Variants in LRRC4C observed in about 807,000 individuals in gnomAD.
LRRC4C encodes leucine-rich repeat-containing protein 4C.
LRRC4C carries 5 observed loss-of-function variants against 33.6 expected under a neutral mutation model. The ratio of observed to expected loss-of-function variants is 0.15; its 90% CI spans 0.08 to 0.31. The LOEUF is 0.31. LRRC4C is among the 10% of genes least tolerant of loss of function. The pLI is 1.00. For missense variants in LRRC4C, 560 were observed against 796.7 expected, an observed-to-expected ratio of 0.70 and a Z score of 3.58; for synonymous variants, 329 against 302.0, an observed-to-expected ratio of 1.09 and a Z score of -0.93.
chr11:40,635,475 C>A (rs1963866606), intron 3 of LRRC4C, among the ~76,000 whole-genome samples: 1 of 152,198 alleles, frequency 6.6e-6, no homozygotes, highest in African/African-American at 2.4e-5. Flanking sequence ...AGAACATACA[C>A]ACAGACACAT....
intron 1 of LRRC4C, among the ~76,000 whole-genome samples, chr11:41,092,662 C>G (rs980612919): frequency 6.6e-6 from 1 of 152,182 alleles, no homozygotes; most frequent in Non-Finnish European, 1.5e-5. Flanking sequence ...TGTTGAATTA[C>G]TCCCTCTGGC....
chr11:40,262,987 A>T (rs931353802), intron 4 of LRRC4C, among the ~76,000 whole-genome samples: 1 of 152,106 alleles, frequency 6.6e-6, no homozygotes, highest in African/African-American at 2.4e-5. Flanking sequence ...TAACTGAAAA[A>T]AAAAAAAAGA....
chr11:40,938,726 C>T (rs141616219), intron 1 of LRRC4C, among the ~76,000 whole-genome samples: 1 of 152,160 alleles, frequency 6.6e-6, no homozygotes. Flanking sequence ...CTCTACCATT[C>T]TTCTCAGAAC....
At chr11:40,811,405 A>G (rs1352460548) in intron 2 of LRRC4C, among the ~76,000 whole-genome samples, 1 of 152,200 alleles carries the variant, frequency 6.6e-6, no homozygotes, top group Non-Finnish European at 1.5e-5. Flanking sequence ...CAGGAACATT[A>G]TGTATCCTGT....
chr11:41,123,408 G>C, intron 1 of LRRC4C, among the ~76,000 whole-genome samples: 1 of 148,368 alleles, frequency 6.7e-6, no homozygotes, highest in Non-Finnish European at 1.5e-5. Flanking sequence ...AAGTAGCTGG[G>C]ACTACAGGCG....
chr11:40,213,569 C>G (rs527718758), intron 5 of LRRC4C, among the ~76,000 whole-genome samples: 1 of 152,214 alleles, frequency 6.6e-6, no homozygotes, highest in South Asian at 2.1e-4. Context: ...CATTATATGG[C>G]CACCCTGATT....
At chr11:40,584,796 G>T (rs1360897422) in intron 3 of LRRC4C, among the ~76,000 whole-genome samples, 1 of 151,990 alleles carries the variant, frequency 6.6e-6, no homozygotes, top group Non-Finnish European at 1.5e-5. Context: ...GCCAGGCATG[G>T]TGGTGCACAC....
intron 5 of LRRC4C, among the ~76,000 whole-genome samples, chr11:40,161,241 A>T (rs1859129052): frequency 6.6e-6 from 1 of 152,202 alleles, no homozygotes; most frequent in Non-Finnish European, 1.5e-5. Flanking sequence ...CCTCTCAAAT[A>T]TTAACCTTAT....
intron 1 of LRRC4C, among the ~76,000 whole-genome samples, chr11:41,267,530 C>A (rs1949190368): frequency 1.3e-5 from 2 of 152,202 alleles, no homozygotes; most frequent in Middle Eastern, 3.4e-3. Flanking sequence ...GCGTGGTAAC[C>A]AGTAAATGAT....
intron 3 of LRRC4C, among the ~76,000 whole-genome samples, chr11:40,463,915 C>T (rs1952529631): frequency 6.6e-6 from 1 of 152,018 alleles, no homozygotes; most frequent in Non-Finnish European, 1.5e-5. Flanking sequence ...TCTATTATCC[C>T]TGTTGTAAAA....
chr11:40,359,840 A>G (rs1334836228), intron 3 of LRRC4C, among the ~76,000 whole-genome samples: 1 of 152,198 alleles, frequency 6.6e-6, no homozygotes, highest in Non-Finnish European at 1.5e-5. Context: ...TAGAATTGAA[A>G]GAATTTTTGA....
At chr11:41,091,709 C>T (rs1053572447) in intron 1 of LRRC4C, among the ~76,000 whole-genome samples, 1 of 151,948 alleles carries the variant, frequency 6.6e-6, no homozygotes, top group Non-Finnish European at 1.5e-5. Flanking sequence ...ACATCATATA[C>T]CCATTATGAT....
chr11:41,176,381 C>A (rs988513787), intron 1 of LRRC4C, among the ~76,000 whole-genome samples: 1 of 152,050 alleles, frequency 6.6e-6, no homozygotes, highest in Non-Finnish European at 1.5e-5. Context: ...TAAACAGATT[C>A]CTTTCTCCTA....
intron 2 of LRRC4C, among the ~76,000 whole-genome samples, chr11:40,699,141 A>G (rs1945735266): frequency 6.6e-6 from 1 of 152,222 alleles, no homozygotes; most frequent in Admixed American, 6.5e-5. Flanking sequence ...AAATCCGTTC[A>G]TTACAATCAT....
chr11:40,231,465 T>A (rs1205364175), intron 5 of LRRC4C, among the ~76,000 whole-genome samples: 2 of 53,314 alleles, frequency 3.8e-5, no homozygotes, highest in Admixed American at 5.7e-4. Context: ...CATATACATT[T>A]ATAATAAACT....
chr11:40,116,123 A>G lies in LRRC4C; in HGVS notation c.170T>C (p.Phe57Ser), dbSNP rs1184387510. 1 of 1,614,054 alleles carries G rather than the reference A, an allele frequency of 6.2e-7. No individual in the cohort carries two copies. The highest frequency in any genetic ancestry group is 1.3e-5 in the African/African-American group (1 of 74,978). The change falls in exon 7 of 7, where the codon TTC becomes TCC. Residue 57 changes from phenylalanine (F) to serine (S), a missense_variant. By Grantham distance (155) the Phe-to-Ser change is radical (BLOSUM62 -2). Transcript: ENST00000528697. ...TTTCCGAACACAAATCACCTTGCTG[A>G]ACTGGTTGCTGCAGGAGCACACAGA... ...CPSVCSCSNQ[F>S]SKVICVRKNL...
intron 2 of LRRC4C, among the ~76,000 whole-genome samples, chr11:40,713,031 G>T (rs1329077971): frequency 6.6e-6 from 1 of 151,016 alleles, no homozygotes; most frequent in Non-Finnish European, 1.5e-5. Context: ...TGGGACTGCA[G>T]GCACATGCCA....
chr11:40,845,161 T>A (rs985984224), intron 2 of LRRC4C, among the ~76,000 whole-genome samples: 3 of 152,180 alleles, frequency 2.0e-5, no homozygotes, highest in Non-Finnish European at 2.9e-5. Context: ...TCTTATTTTT[T>A]TCTTTTTATT....
chr11:40,429,587 A>AAAAAAAAAAT, intron 3 of LRRC4C, among the ~76,000 whole-genome samples: 1 of 152,024 alleles, frequency 6.6e-6, no homozygotes, highest in Admixed American at 6.6e-5. Context: ...AACAAAACAA[A>AAAAAAAAAAT]ACATGTAAGG....
Sources: allele counts gnomAD v4.1 joint callset (sites outside exome capture counted in the v4.1 genomes callset), GRCh38; gene constraint gnomAD v4.1.1; transcripts MANE v1.5; gene names NCBI Gene and HGNC (gene_info 2026-07-23, HGNC 2026-07-21).